WDR3: variants seen among roughly 807,000 people sequenced by gnomAD.
WDR3 encodes WD repeat domain 3, also known as WD repeat-containing protein 3.
Under a neutral mutation model 123.7 loss-of-function variants are expected in WDR3, and 81 were observed. The observed-to-expected ratio is 0.65, with a 90% CI of 0.55 to 0.79. WDR3 has a LOEUF of 0.79. WDR3 is among the 30% of genes least tolerant of loss of function. WDR3 has a pLI of 0.00. For missense variants in WDR3, 1,027 were observed against 1,123.2 expected, an observed-to-expected ratio of 0.91 and a Z score of 1.22; for synonymous variants, 390 against 388.8, an observed-to-expected ratio of 1.00 and a Z score of -0.04.
At chr1:117,952,925 T>G (rs757176756) in intron 19 of WDR3, 21 bp from the exon 20 acceptor site, 1 of 1,612,342 alleles carries the variant, frequency 6.2e-7, no homozygotes, top group South Asian at 1.1e-5. Context: ...CTCAAATTAA[T>G]GTATATCTAT....
chr1:117,940,876 C>G lies in WDR3; in HGVS notation c.725C>G (p.Pro242Arg), dbSNP rs1434543188. ...CCCAAGAAAATCAAAGGATCTTCTC[C>G]TGGAATACAAGATACTCTTGAGGCA... ...PDPKKIKGSS[P>R]GIQDTLEAED... The change falls in exon 7 of 27, where the codon CCT becomes CGT. Residue 242 changes from proline (P) to arginine (R), a missense_variant. Physicochemically the swap from Pro to Arg is moderately radical, Grantham distance 103 (BLOSUM62 -2). Coordinates refer to ENST00000349139, the MANE Select transcript of WDR3 (RefSeq NM_006784.3). The G allele has an allele frequency of 6.2e-7, 1 of 1,613,962 alleles. No individual in the cohort carries two copies. The highest frequency in any genetic ancestry group is 8.5e-7 in the Non-Finnish European group (1 of 1,179,964).
At chr1:117,956,955 T>C in intron 24 of WDR3, 113 bp from the exon 25 acceptor site, 1 of 890,894 alleles carries the variant, frequency 1.1e-6, no homozygotes, top group Non-Finnish European at 1.6e-6. Context: ...CTAGGCAAGA[T>C]GTATCCAAGT....
At position 117,949,738 on chromosome 1, in the gene WDR3, A is replaced by G. The variant is rs112536292; in HGVS notation, c.1525-13A>G. 30 of 1,611,352 alleles carry G rather than the reference A, an allele frequency of 1.9e-5. No homozygotes were observed. The highest frequency in any genetic ancestry group is 1.8e-4 in the South Asian group (16 of 90,534). ...TAAAATAGTTTTTAATTGAAATTTC[A>G]TTTGATTTTCAGCGTGGCTTTGTGA... On this transcript the variant is annotated splice_polypyrimidine_tract_variant and intron_variant, in intron 13 of 26. Transcript: ENST00000349139.
chr1:117,946,957 AAAAAT>A (rs1651426704), intron 12 of WDR3, among the ~76,000 whole-genome samples: 1 of 151,630 alleles, frequency 6.6e-6, no homozygotes, highest in African/African-American at 2.4e-5. Context: ...AAAAAAAAAA[AAAAAT>A]GAGTAATTTG....
rs749658177 is a variant in WDR3 at position 117,954,023 on chromosome 1, A to G, written c.2285A>G (p.Glu762Gly). 3 of 1,611,698 alleles carry G rather than the reference A, an allele frequency of 1.9e-6. No individual in the cohort carries two copies. The change falls in exon 22 of 27, where the codon GAG becomes GGG. Residue 762 changes from glutamate (E) to glycine (G), a missense_variant. Transcript: ENST00000349139. ...ETVKAAERIM[E>G]AIELYREETA... Reference sequence around the variant, plus strand: ...CCTCTGTAGGCTGAGAGGATTATGGAGGCTATTGAGTTGTACCGAGAAGAA... The same window carrying G: ...CCTCTGTAGGCTGAGAGGATTATGGGGGCTATTGAGTTGTACCGAGAAGAA...
Position 117,943,640 on chromosome 1 carries a change from T to C in WDR3, c.1328+14T>C. On this transcript the variant is annotated intron_variant, in intron 11 of 26. Transcript: ENST00000349139. ...AATATGGAACAGGTTCGTGAAATGA[T>C]GTTTTATATAGCTGTAGTTAGTAGT... The C allele has an allele frequency of 1.9e-6, 3 of 1,611,704 alleles. No homozygotes were observed. The highest frequency in any genetic ancestry group is 1.3e-5 in the African/African-American group (1 of 75,016).
At position 117,933,374 on chromosome 1, in the gene WDR3, A is replaced by G. The variant is rs1157812628; in HGVS notation, c.55A>G (p.Ile19Val). 2 of 1,614,216 alleles carry G rather than the reference A, an allele frequency of 1.2e-6. No individual in the cohort carries two copies. The highest frequency in any genetic ancestry group is 1.7e-5 in the Admixed American group (1 of 60,028). ...TGTTGCTAGTGCGGTCTTTGGCGTT[A>G]TCGGCAGCCAAAAAGGTAATATTGT... Reference protein sequence around the residue: ...RYVASAVFGVIGSQKGNIVFV... With the variant: ...RYVASAVFGVVGSQKGNIVFV... The change falls in exon 2 of 27, where the codon ATC becomes GTC. Residue 19 changes from isoleucine to valine, a missense_variant. Ile to Val is a conservative substitution (Grantham distance 29). Coordinates refer to ENST00000349139, the MANE Select transcript of WDR3 (RefSeq NM_006784.3).
chr1:117,930,653 TCAGTG>T (rs1327394314), intron 1 of WDR3, among the ~76,000 whole-genome samples: 1 of 152,074 alleles, frequency 6.6e-6, no homozygotes, highest in African/African-American at 2.4e-5. Context: ...AGGTGGAAAA[TCAGTG>T]CAGTAATCCA....
rs1447258248 is a variant in WDR3 at position 117,963,336 on chromosome 1, A to G, written c.*3889A>G. On this transcript the variant is annotated 3_prime_UTR_variant, in exon 27 of 27. Coordinates refer to ENST00000349139, the MANE Select transcript of WDR3 (RefSeq NM_006784.3). The stretch of plus-strand genomic sequence containing the variant: ...CATTTTATAATATATATAAAGAAGC[A>G]ACTAGTATAGTTATTTAAACAAATA... The G allele has an allele frequency of 6.6e-6, 1 of 152,552 alleles. No homozygotes were observed. Among genetic ancestry groups the G allele is most frequent in the African/African-American group, 2.4e-5 (1 of 41,426 alleles). 9.4% of individuals were successfully genotyped at this position (152,552 alleles called of 1,614,324 possible).
At chr1:117,958,788 G>C in intron 25 of WDR3, 122 bp from the exon 26 acceptor site, 4 of 414,600 alleles carry the variant, frequency 9.6e-6, no homozygotes, top group South Asian at 6.8e-5. Context: ...TTTTTTGCTC[G>C]AAACATTTCT....
At position 117,963,870 on chromosome 1, in the gene WDR3, C is replaced by G. The variant is rs1158200531; in HGVS notation, c.*4423C>G. ...GAATAAATTGTAGAAGTTCTCTGGACCATTGGATTTTCTTTTCCCTGGGGA... is the reference window on the plus strand; with the variant it reads ...GAATAAATTGTAGAAGTTCTCTGGAGCATTGGATTTTCTTTTCCCTGGGGA... On this transcript the variant is annotated 3_prime_UTR_variant, in exon 27 of 27. Transcript: ENST00000349139. 4 of 1,613,846 alleles carry G rather than the reference C, an allele frequency of 2.5e-6. No individual in the cohort carries two copies. Among genetic ancestry groups the G allele is most frequent in the Non-Finnish European group, 8.5e-7 (1 of 1,179,816 alleles).
rs759746039 is a variant in WDR3, at chr1:117,943,535, G to A, written c.1237G>A (p.Gly413Ser). 14 of 1,613,944 alleles carry A rather than the reference G, an allele frequency of 8.7e-6. No individual in the cohort carries two copies. In the Admixed American group the frequency reaches 1.2e-4, roughly 13 times the overall value. Residue 413 changes from glycine to serine, a missense_variant, in exon 11 of 27, where the codon GGT becomes AGT. Physicochemically the swap from Gly to Ser is moderately conservative, Grantham distance 56. Coordinates refer to ENST00000349139, the MANE Select transcript of WDR3 (RefSeq NM_006784.3). ...PVRTSRITIGGHRSDVRTLSF... is the reference protein window; with the variant it reads ...PVRTSRITIGSHRSDVRTLSF... ...CAGGACAAGCAGAATCACTATTGGG[G>A]GTCATCGCAGTGATGTGCGGACTTT... is the stretch of plus-strand genomic sequence containing the variant.
chr1:117,952,737 A>G (rs1172179991), intron 19 of WDR3, 75 bp downstream of exon 19: 1 of 1,564,014 alleles, frequency 6.4e-7, no homozygotes, highest in East Asian at 2.2e-5. Flanking sequence ...TTTTCTGTCT[A>G]GTGCAGTTAC....
rs1345976713 is a variant in WDR3 at position 117,934,532 on chromosome 1, G to C, written c.231G>C (p.Gly77=). Residue 77 remains glycine (G), a synonymous_variant, in exon 3 of 27, where the codon GGG becomes GGC. Transcript: ENST00000349139. The part of the protein sequence containing the change: ...EVTCLCPSPD[G]LHLAVGYEDG... ...CTTGCTTATGCCCCTCCCCAGATGG[G>C]CTACACTTAGCTGTTGGGTATGAGG... is the stretch of plus-strand genomic sequence containing the variant. 1 of 1,614,138 alleles carries C rather than the reference G, an allele frequency of 6.2e-7. No individual in the cohort carries two copies. The highest frequency in any genetic ancestry group is 8.5e-7 in the Non-Finnish European group (1 of 1,180,006).
chr1:117,933,032 T>G (rs1029413973), intron 1 of WDR3, among the ~76,000 whole-genome samples: 15 of 92,860 alleles, frequency 1.6e-4, no homozygotes, highest in Non-Finnish European at 3.4e-4. Flanking sequence ...CCATCTCTAC[T>G]AAAAAAAAAA....
chr1:117,959,802 C>T lies in WDR3; in HGVS notation c.*355C>T, dbSNP rs1364308571. The T allele has an allele frequency of 1.3e-5, 2 of 158,576 alleles. No individual in the cohort carries two copies. Among genetic ancestry groups the T allele is most frequent in the Non-Finnish European group, 2.8e-5 (2 of 72,546 alleles). 9.8% of individuals were successfully genotyped at this position (158,576 alleles called of 1,614,324 possible). On this transcript the variant is annotated 3_prime_UTR_variant, in exon 27 of 27. Transcript: ENST00000349139. Reference sequence around the variant, plus strand: ...TGAAATTAACATTTCAAAAGTTTTTCGTATTTTTTTATGGCAGATGATTTG... The same window carrying T: ...TGAAATTAACATTTCAAAAGTTTTTTGTATTTTTTTATGGCAGATGATTTG...
In WDR3 at chr1:117,933,429, G is replaced by T. The variant is rs200209712; in HGVS notation, c.110G>T (p.Arg37Leu). Residue 37 changes from arginine (R) to leucine (L), a missense_variant, in exon 2 of 27, where the codon CGT becomes CTT. Physicochemically the swap from Arg to Leu is moderately radical, Grantham distance 102. Coordinates refer to ENST00000349139, the MANE Select transcript of WDR3 (RefSeq NM_006784.3). ...GTGACACTTCGTGGTGAGAAAGGACGTTATGTGGCAGTACCAGCTTGTGAA... is the reference window on the plus strand; with the variant it reads ...GTGACACTTCGTGGTGAGAAAGGACTTTATGTGGCAGTACCAGCTTGTGAA... ...VFVTLRGEKG[R>L]YVAVPACEHV... is the part of the protein sequence containing the mutation. 2 of 1,614,214 alleles carry T rather than the reference G, an allele frequency of 1.2e-6. No individual in the cohort carries two copies. The highest frequency in any genetic ancestry group is 1.7e-6 in the Non-Finnish European group (2 of 1,180,040).
chr1:117,940,070 T>C (rs1651088468), intron 6 of WDR3, among the ~76,000 whole-genome samples: 1 of 152,240 alleles, frequency 6.6e-6, no homozygotes, highest in Admixed American at 6.5e-5. Flanking sequence ...CTAGGGGTTA[T>C]CTTTTCTTTA....
chr1:117,949,241 G>A (rs1651515089), intron 13 of WDR3, among the ~76,000 whole-genome samples: 1 of 152,034 alleles, frequency 6.6e-6, no homozygotes, highest in Non-Finnish European at 1.5e-5. Flanking sequence ...TTACGGAAAG[G>A]TTGTTTCCTG....
Sources: allele counts gnomAD v4.1 joint callset (sites outside exome capture counted in the v4.1 genomes callset), GRCh38; gene constraint gnomAD v4.1.1; transcripts MANE v1.5; gene names NCBI Gene and HGNC (gene_info 2026-07-23, HGNC 2026-07-21).